Variants in MEGF11 observed in about 807,000 individuals in gnomAD.
MEGF11 encodes the protein multiple epidermal growth factor-like domains protein 11.
A neutral mutation model predicts 146.6 loss-of-function variants in MEGF11; 126 were observed. The ratio of observed to expected loss-of-function variants is 0.86; its 90% CI spans 0.74 to 1.00. The LOEUF is 1.00. Among genes scored for constraint, MEGF11 ranks in the 50% least tolerant of loss-of-function variants. MEGF11 has a pLI of 0.00. For synonymous variants in MEGF11, 532 were observed against 583.4 expected (o/e 0.91, Z 1.27); for missense variants, 1,509 against 1,521.2 (o/e 0.99, Z 0.13).
intron 1 of MEGF11, among the ~76,000 whole-genome samples, chr15:66,215,536 A>G (rs1166763170): frequency 1.3e-5 from 2 of 152,246 alleles, no homozygotes; most frequent in Admixed American, 6.5e-5. Context: ...TTTATCATAC[A>G]GACAAATAAA....
chr15:65,917,037 T>G, intron 16 of MEGF11, 81 bp from the exon 17 acceptor site: 1 of 1,375,912 alleles, frequency 7.3e-7, no homozygotes, highest in Non-Finnish European at 9.6e-7. Context: ...GGAGTACATG[T>G]CAGAGCCAAG....
rs760653005 is a variant in MEGF11 at position 65,980,749 on chromosome 15, C to A, written c.762+29G>T. The A allele has an allele frequency of 1.1e-5, 17 of 1,568,446 alleles. No individual in the cohort carries two copies. The Middle Eastern group carries it at 8.5e-4, about 79-fold the overall frequency. On this transcript the variant is annotated intron_variant, in intron 7 of 25. Transcript: ENST00000395614. ...GTGATGAAGGCTCAGCCCTCCAGTG[C>A]CCCACCCAGATCCTTTGGGCCCACT... is the stretch of plus-strand genomic sequence containing the variant.
chr15:66,059,359 C>T (rs1157880417), intron 5 of MEGF11, among the ~76,000 whole-genome samples: 1 of 152,202 alleles, frequency 6.6e-6, no homozygotes, highest in African/African-American at 2.4e-5. Flanking sequence ...CATAGCATTC[C>T]TGCAGAAGAG....
chr15:65,922,857 A>T lies in MEGF11; in HGVS notation c.1788T>A (p.Cys596Ter). ...SCSPEDGSCECAPGFRGPLCQ... is the reference protein window; with the variant it reads ...SCSPEDGSCE The stretch of plus-strand genomic sequence containing the variant: ...ATAAGGGTCCTCGGAAGCCAGGGGC[A>T]CACTCGCAGCTCCCATCCTCTGGGG... Residue 596 changes from cysteine to a stop codon, truncating the protein, a stop_gained, in exon 14 of 26, where the codon TGT becomes TGA. Coordinates refer to ENST00000395614, the MANE Select transcript of MEGF11 (RefSeq NM_001385028.1). LOFTEE classifies it high-confidence loss of function. 6.2e-7 allele frequency: 1 copy of T among 1,613,810 alleles called. No individual in the cohort carries two copies. The highest frequency in any genetic ancestry group is 1.1e-5 in the South Asian group (1 of 91,062).
intron 10 of MEGF11, 45 bp downstream of exon 10, chr15:65,957,502 C>G (rs754872567): frequency 1.3e-6 from 2 of 1,577,966 alleles, no homozygotes; most frequent in Non-Finnish European, 1.7e-6. Context: ...GGGGAACTGG[C>G]CCGGTGGAGG....
At chr15:66,241,416 T>C (rs1700118910) in intron 1 of MEGF11, among the ~76,000 whole-genome samples, 1 of 152,166 alleles carries the variant, frequency 6.6e-6, no homozygotes, top group Admixed American at 6.5e-5. Flanking sequence ...CAACTACATT[T>C]TACCTTGAAA....
intron 5 of MEGF11, among the ~76,000 whole-genome samples, chr15:66,084,834 G>A (rs948081360): frequency 2.6e-5 from 4 of 152,206 alleles, no homozygotes; most frequent in Admixed American, 1.3e-4. Context: ...CTGCTGTGGA[G>A]ACCTCACAAG....
chr15:65,919,083 A>T (rs2079093068), intron 15 of MEGF11, among the ~76,000 whole-genome samples: 1 of 152,198 alleles, frequency 6.6e-6, no homozygotes, highest in Non-Finnish European at 1.5e-5. Flanking sequence ...CTTGGGCTGA[A>T]ACCCTCTGCT....
intron 15 of MEGF11, chr15:65,922,128 C>G: frequency 8.4e-6 from 5 of 595,892 alleles, no homozygotes; most frequent in Non-Finnish European, 1.2e-5. Context: ...ACAGACAAAT[C>G]ATTTCACTTC....
chr15:66,208,233 TAAAG>T (rs2091352463), intron 1 of MEGF11, among the ~76,000 whole-genome samples: 1 of 152,060 alleles, frequency 6.6e-6, no homozygotes, highest in Admixed American at 6.6e-5. Context: ...TAAAGGGATA[TAAAG>T]AGAGATAAAG....
At chr15:66,145,689 G>A (rs1261392520) in intron 1 of MEGF11, among the ~76,000 whole-genome samples, 3 of 152,328 alleles carry the variant, frequency 2.0e-5, no homozygotes, top group Non-Finnish European at 4.4e-5. Context: ...ACTTTGCTGG[G>A]TCCTTGGCAG....
At chr15:66,068,818 T>C (rs951040224) in intron 5 of MEGF11, among the ~76,000 whole-genome samples, 3 of 152,184 alleles carry the variant, frequency 2.0e-5, no homozygotes, top group Non-Finnish European at 2.9e-5. Context: ...CAAAGTCCCC[T>C]ACCCTAGTGA....
At chr15:65,898,250 A>T in intron 25 of MEGF11, 156 bp from the exon 26 acceptor site, 1 of 985,420 alleles carries the variant, frequency 1.0e-6, no homozygotes, top group Non-Finnish European at 1.2e-6. Flanking sequence ...TGCTCAGGAG[A>T]TGGAAAACTA....
At chr15:66,153,844 C>T (rs1268059192) in intron 1 of MEGF11, among the ~76,000 whole-genome samples, 1 of 152,142 alleles carries the variant, frequency 6.6e-6, no homozygotes, top group Non-Finnish European at 1.5e-5. Context: ...AGTCATCTTA[C>T]CTGGCAGGGA....
intron 5 of MEGF11, among the ~76,000 whole-genome samples, chr15:66,067,852 A>G (rs2085198657): frequency 6.6e-6 from 1 of 152,192 alleles, no homozygotes; most frequent in Non-Finnish European, 1.5e-5. Context: ...TGATAAAGAG[A>G]CAGCAGGGCT....
intron 5 of MEGF11, among the ~76,000 whole-genome samples, chr15:65,985,453 G>T (rs146644593): frequency 6.6e-6 from 1 of 151,988 alleles, no homozygotes; most frequent in Non-Finnish European, 1.5e-5. Context: ...AATTTCCTTC[G>T]TTTGTTGGGG....
At chr15:65,920,679 G>C (rs78516201) in intron 15 of MEGF11, among the ~76,000 whole-genome samples, 1,682 of 152,330 alleles carry the variant, frequency 0.011, 45 homozygotes, top group African/African-American at 0.038. Context: ...AAAACATCTG[G>C]TTATATTTAA....
At position 66,130,015 on chromosome 15, in the gene MEGF11, T is replaced by C. The variant is rs74021629; in HGVS notation, c.-8-1604A>G. Among the ~76,000 whole-genome samples the C allele has an allele frequency of 6.8e-3, 1,031 of 152,200 alleles. 12 individuals carry two copies. Among genetic ancestry groups the C allele is most frequent in the African/African-American group, 0.024 (988 of 41,518 alleles). On this transcript the variant is annotated intron_variant, in intron 1 of 25. Coordinates refer to ENST00000395614, the MANE Select transcript of MEGF11 (RefSeq NM_001385028.1). Reference sequence around the variant, plus strand: ...CCAGGAGTATGCAAAGCACAGCTGCTCAGAGCTCCCCACCCAATCCCCCTA... The same window carrying C: ...CCAGGAGTATGCAAAGCACAGCTGCCCAGAGCTCCCCACCCAATCCCCCTA...
At chr15:66,205,322 T>G (rs575061858) in intron 1 of MEGF11, among the ~76,000 whole-genome samples, 10 of 152,206 alleles carry the variant, frequency 6.6e-5, no homozygotes, top group African/African-American at 2.2e-4. Context: ...CGTACCTGGA[T>G]AGTCCAAGAT....
Sources: gnomAD v4.1 joint callset for allele counts (sites outside exome capture counted in the v4.1 genomes callset) on GRCh38, gnomAD v4.1.1 for gene constraint, MANE v1.5 for transcripts, NCBI Gene and HGNC (gene_info 2026-07-23, HGNC 2026-07-21) for gene names.